Variants in NR6A1 observed in about 807,000 individuals in gnomAD.
NR6A1 encodes the protein nuclear receptor subfamily 6 group A member 1.
In NR6A1, 7 loss-of-function variants were observed where a neutral mutation model predicts 59.1. That is an observed-to-expected ratio of 0.12 (90% CI 0.07 to 0.22). The LOEUF is 0.22. Ranked by LOEUF, NR6A1 falls within the 10% of genes least tolerant of loss-of-function variation. The pLI is 1.00. For missense variants in NR6A1, 468 were observed against 611.6 expected, an observed-to-expected ratio of 0.77 and a Z score of 2.48; for synonymous variants, 243 against 236.1, an observed-to-expected ratio of 1.03 and a Z score of -0.27.
chr9:124,598,989 A>G, intron 2 of NR6A1: 1 of 733,626 alleles, frequency 1.4e-6, no homozygotes, highest in Non-Finnish European at 2.6e-6. Flanking sequence ...ATTGGCGTGT[A>G]GTGGTTGGCA....
chr9:124,767,852 C>T (rs1007718743), intron 1 of NR6A1, among the ~76,000 whole-genome samples: 2 of 152,178 alleles, frequency 1.3e-5, no homozygotes, highest in African/African-American at 4.8e-5. Context: ...CCTTTGCCTT[C>T]CTTTGCTTTA....
At chr9:124,690,689 C>T (rs1260447422) in intron 2 of NR6A1, among the ~76,000 whole-genome samples, 1 of 152,052 alleles carries the variant, frequency 6.6e-6, no homozygotes, top group East Asian at 1.9e-4. Context: ...TGCCACCCTG[C>T]CTGGTCACTC....
At chr9:124,555,136 G>A in intron 2 of NR6A1, among the ~76,000 whole-genome samples, 1 of 152,156 alleles carries the variant, frequency 6.6e-6, no homozygotes, top group East Asian at 1.9e-4. Flanking sequence ...CTGTGTCCAG[G>A]CCCTGTGCTA....
chr9:124,696,930 T>C (rs553648158), intron 2 of NR6A1, among the ~76,000 whole-genome samples: 1 of 152,328 alleles, frequency 6.6e-6, no homozygotes, highest in Non-Finnish European at 1.5e-5. Flanking sequence ...AGTGTTGGGA[T>C]TATAGGCGTG....
At chr9:124,696,083 G>C (rs997064872) in intron 2 of NR6A1, among the ~76,000 whole-genome samples, 1 of 152,188 alleles carries the variant, frequency 6.6e-6, no homozygotes, top group Non-Finnish European at 1.5e-5. Flanking sequence ...GAATAGTCCA[G>C]AGACTGTATT....
At chr9:124,616,100 T>C (rs1040976080) in intron 2 of NR6A1, among the ~76,000 whole-genome samples, 11 of 151,794 alleles carry the variant, frequency 7.2e-5, no homozygotes, top group Admixed American at 2.0e-4. Flanking sequence ...TTTCCTGAGA[T>C]AGAAAAGAAC....
chr9:124,635,335 G>C (rs1346977542), intron 2 of NR6A1, among the ~76,000 whole-genome samples: 2 of 152,138 alleles, frequency 1.3e-5, no homozygotes, highest in African/African-American at 4.8e-5. Context: ...TCAAGGGCGG[G>C]ACCAGGTAGA....
At chr9:124,697,264 C>T (rs1287492275) in intron 2 of NR6A1, among the ~76,000 whole-genome samples, 2 of 152,302 alleles carry the variant, frequency 1.3e-5, no homozygotes, top group African/African-American at 4.8e-5. Context: ...ACTTATTGGA[C>T]ACCTAGTGTA....
At chr9:124,758,322 C>A (rs1840693943) in intron 1 of NR6A1, among the ~76,000 whole-genome samples, 1 of 152,190 alleles carries the variant, frequency 6.6e-6, no homozygotes, top group Non-Finnish European at 1.5e-5. Flanking sequence ...TACAGACCAG[C>A]AGCATTTAAG....
chr9:124,707,581 T>G (rs2131063727), intron 2 of NR6A1, among the ~76,000 whole-genome samples: 1 of 152,278 alleles, frequency 6.6e-6, no homozygotes. Context: ...TTAATTTTTG[T>G]TGTGATACTA....
chr9:124,634,753 C>T (rs893552699), intron 2 of NR6A1, among the ~76,000 whole-genome samples: 3 of 152,012 alleles, frequency 2.0e-5, no homozygotes, highest in South Asian at 2.1e-4. Flanking sequence ...ACTCAGGAGG[C>T]GGAGTTTGCA....
intron 2 of NR6A1, among the ~76,000 whole-genome samples, chr9:124,665,287 T>TG (rs1394732505): frequency 9.9e-5 from 15 of 152,200 alleles, no homozygotes; most frequent in African/African-American, 3.4e-4. Context: ...TTTGTTGAAG[T>TG]CAAACTAACA....
At chr9:124,770,818 G>A (rs1007939787) in intron 1 of NR6A1, among the ~76,000 whole-genome samples, 1 of 151,768 alleles carries the variant, frequency 6.6e-6, no homozygotes, top group East Asian at 1.9e-4. Context: ...CAGGGACGAA[G>A]GAGGAGGATC....
intron 2 of NR6A1, among the ~76,000 whole-genome samples, chr9:124,588,408 C>A (rs968852801): frequency 6.6e-6 from 1 of 151,662 alleles, no homozygotes; most frequent in African/African-American, 2.4e-5. Context: ...TCCGGGTTCA[C>A]GCCATTCTCC....
intron 1 of NR6A1, among the ~76,000 whole-genome samples, chr9:124,747,399 G>A (rs1840365802): frequency 6.6e-6 from 1 of 151,784 alleles, no homozygotes; most frequent in Admixed American, 6.6e-5. Context: ...GGCAAGAAAG[G>A]CCTATCCCAG....
At chr9:124,702,104 A>G (rs998221929) in intron 2 of NR6A1, among the ~76,000 whole-genome samples, 2 of 152,214 alleles carry the variant, frequency 1.3e-5, no homozygotes, top group African/African-American at 2.4e-5. Flanking sequence ...TTTGAAATGC[A>G]AAAGTTTTAC....
intron 2 of NR6A1, among the ~76,000 whole-genome samples, chr9:124,727,708 A>G: frequency 6.6e-6 from 1 of 152,182 alleles, no homozygotes; most frequent in African/African-American, 2.4e-5. Context: ...TTTTTAATAC[A>G]GGGTCTCGCT....
intron 2 of NR6A1, among the ~76,000 whole-genome samples, chr9:124,630,179 C>T (rs1244385157): frequency 2.0e-5 from 3 of 150,158 alleles, no homozygotes; most frequent in Admixed American, 6.6e-5. Context: ...AGAATGGCTA[C>T]ACCTTTCTGA....
chr9:124,702,344 C>A (rs561104977), intron 2 of NR6A1, among the ~76,000 whole-genome samples: 2 of 152,160 alleles, frequency 1.3e-5, no homozygotes, highest in African/African-American at 2.4e-5. Flanking sequence ...TTCCCAGCAT[C>A]ATTTCTGGAA....
Sources: allele counts gnomAD v4.1 joint callset (sites outside exome capture counted in the v4.1 genomes callset), GRCh38; gene constraint gnomAD v4.1.1; transcripts MANE v1.5; gene names NCBI Gene and HGNC (gene_info 2026-07-23, HGNC 2026-07-21).